The following KLHL29 variants were observed in gnomAD, a reference collection of about 807,000 sequenced individuals.
The protein encoded by KLHL29 is kelch-like protein 29.
A neutral mutation model predicts 80.4 loss-of-function variants in KLHL29; 21 were observed. The ratio of observed to expected loss-of-function variants is 0.26; its 90% CI spans 0.19 to 0.38. The LOEUF is 0.38. Ranked by LOEUF, KLHL29 falls within the 10% of genes least tolerant of loss-of-function variation. The pLI, the probability that KLHL29 is intolerant of heterozygous loss-of-function variation, is 1.00. For synonymous variants in KLHL29, 511 were observed against 526.8 expected (o/e 0.97, Z 0.41); for missense variants, 867 against 1,223.9 (o/e 0.71, Z 4.35).
chr2:23,650,935 C>T (rs905731026), intron 5 of KLHL29, among the ~76,000 whole-genome samples: 1 of 145,024 alleles, frequency 6.9e-6, no homozygotes, highest in South Asian at 2.1e-4. Context: ...GGAAGGACAT[C>T]ATGGCACCCC....
intron 3 of KLHL29, among the ~76,000 whole-genome samples, chr2:23,580,321 G>A (rs1294702854): frequency 4.0e-5 from 6 of 151,058 alleles, no homozygotes; most frequent in Admixed American, 2.6e-4. Flanking sequence ...GCAGTGAGCC[G>A]AGATCACGCC....
At chr2:23,687,748 G>A (rs142666832) in intron 6 of KLHL29, among the ~76,000 whole-genome samples, 23 of 152,332 alleles carry the variant, frequency 1.5e-4, no homozygotes, top group African/African-American at 5.3e-4. Context: ...GAGCAAGGTC[G>A]AAAGGCGGGA....
At chr2:23,392,564 T>G (rs1439427076) in intron 1 of KLHL29, among the ~76,000 whole-genome samples, 2 of 152,338 alleles carry the variant, frequency 1.3e-5, no homozygotes, top group African/African-American at 2.4e-5. Context: ...TTTACATATA[T>G]TATCTCTAAT....
rs1669959456 is a variant in KLHL29 at position 23,647,071 on chromosome 2, A to G, written c.940+4221A>G. ...AGCGCAGAGGAGATGGAAGAAGCCC[A>G]TGCTTGTCCACAGGGCTGGCAATCC... On this transcript the variant is annotated intron_variant, in intron 5 of 13. Transcript: ENST00000486442. This position sits in a 1 kb window ranked among gnomAD's most constrained non-coding sequence, Gnocchi z 4.9. 6.6e-6 allele frequency among the ~76,000 whole-genome samples: 1 copy of G among 152,246 alleles called. No homozygotes were observed. Among genetic ancestry groups the G allele is most frequent in the Non-Finnish European group, 1.5e-5 (1 of 68,030 alleles).
At chr2:23,641,110 G>A (rs1300343525) in intron 4 of KLHL29, among the ~76,000 whole-genome samples, 1 of 152,220 alleles carries the variant, frequency 6.6e-6, no homozygotes, top group East Asian at 1.9e-4. Flanking sequence ...TGGAGACCTG[G>A]ACCCAGGCTC....
At chr2:23,421,972 TGTG>T (rs1175627297) in intron 1 of KLHL29, among the ~76,000 whole-genome samples, 1 of 127,574 alleles carries the variant, frequency 7.8e-6, no homozygotes. Context: ...TGTCATATGT[TGTG>T]TGTGTGTTCA....
intron 2 of KLHL29, among the ~76,000 whole-genome samples, chr2:23,533,433 G>A (rs1037945098): frequency 2.0e-5 from 3 of 152,196 alleles, no homozygotes; most frequent in Non-Finnish European, 4.4e-5. Flanking sequence ...TCCTGGCCCA[G>A]CAGGATTCAT....
At chr2:23,655,300 T>G (rs575386372) in intron 5 of KLHL29, among the ~76,000 whole-genome samples, 1 of 152,306 alleles carries the variant, frequency 6.6e-6, no homozygotes, top group South Asian at 2.1e-4. Context: ...GAGCCAGTCA[T>G]CCTATGAAGG....
At chr2:23,476,331 A>T (rs4665596) in intron 2 of KLHL29, among the ~76,000 whole-genome samples, 37,523 of 151,930 alleles carry the variant, frequency 0.25, 4,991 homozygotes, top group East Asian at 0.38. Context: ...ATTATTAAAT[A>T]TCATGAAAAT....
chr2:23,659,356 G>A (rs752272532), intron 5 of KLHL29, among the ~76,000 whole-genome samples: 7 of 152,296 alleles, frequency 4.6e-5, no homozygotes, highest in East Asian at 1.9e-4. Flanking sequence ...CATGACCTCC[G>A]TTTACAGAGG....
chr2:23,555,860 T>C (rs1667275390), intron 2 of KLHL29, among the ~76,000 whole-genome samples: 1 of 152,216 alleles, frequency 6.6e-6, no homozygotes, highest in Non-Finnish European at 1.5e-5. Context: ...CAGTTGCACT[T>C]GACCATTGGG....
intron 2 of KLHL29, among the ~76,000 whole-genome samples, chr2:23,520,610 A>T (rs1666063664): frequency 2.6e-5 from 4 of 152,216 alleles, no homozygotes; most frequent in Admixed American, 2.6e-4. Context: ...CCCACTGGGA[A>T]GGACAGGCGC....
intron 2 of KLHL29, among the ~76,000 whole-genome samples, chr2:23,556,081 C>T (rs1667283870): frequency 6.6e-6 from 1 of 152,226 alleles, no homozygotes; most frequent in Admixed American, 6.5e-5. Flanking sequence ...CCCTTGTTCA[C>T]ATTTGCTCCG....
At chr2:23,492,311 A>C (rs2103448925) in intron 2 of KLHL29, among the ~76,000 whole-genome samples, 1 of 152,238 alleles carries the variant, frequency 6.6e-6, no homozygotes, top group East Asian at 1.9e-4. Flanking sequence ...CACACTGTTC[A>C]TGCCTCTAGT....
At chr2:23,516,598 C>G (rs1291556588) in intron 2 of KLHL29, among the ~76,000 whole-genome samples, 5 of 152,198 alleles carry the variant, frequency 3.3e-5, no homozygotes. Context: ...CCAGGTAGCC[C>G]CATGGCCGTT....
chr2:23,537,509 G>A (rs1666708988), intron 2 of KLHL29, among the ~76,000 whole-genome samples: 1 of 144,198 alleles, frequency 6.9e-6, no homozygotes, highest in Admixed American at 6.9e-5. Context: ...GAGGCATCCT[G>A]TGTAACCACT....
intron 3 of KLHL29, among the ~76,000 whole-genome samples, chr2:23,618,273 G>A (rs1669073311): frequency 6.6e-6 from 1 of 152,176 alleles, no homozygotes; most frequent in South Asian, 2.1e-4. Flanking sequence ...TGGTGGGACA[G>A]TGAATTTTAC....
chr2:23,500,338 G>A (rs771448633), intron 2 of KLHL29, among the ~76,000 whole-genome samples: 15 of 152,304 alleles, frequency 9.8e-5, no homozygotes, highest in South Asian at 2.1e-4. Flanking sequence ...ATAAGTGATC[G>A]GAAGCCGTGG....
intron 1 of KLHL29, among the ~76,000 whole-genome samples, chr2:23,429,441 AT>A (rs1205732281): frequency 6.6e-6 from 1 of 152,250 alleles, no homozygotes; most frequent in Non-Finnish European, 1.5e-5. Context: ...TCAAAGTAAC[AT>A]AATTGCCTCA....
Sources: allele counts gnomAD v4.1 joint callset (sites outside exome capture counted in the v4.1 genomes callset), GRCh38; gene constraint gnomAD v4.1.1; non-coding constraint Gnocchi (gnomAD v3.1); transcripts MANE v1.5; gene names NCBI Gene and HGNC (gene_info 2026-07-23, HGNC 2026-07-21).